Variants in SPAG16 observed in about 807,000 individuals in gnomAD.
SPAG16 encodes the protein sperm-associated antigen 16 protein.
SPAG16 carries 86 observed loss-of-function variants against 80.4 expected under a neutral mutation model. That is an observed-to-expected ratio of 1.07 (90% CI 0.90 to 1.28). The LOEUF (loss-of-function observed/expected upper bound fraction) is 1.28. Among genes scored for constraint, SPAG16 ranks in the 50% most tolerant of loss-of-function variants. The pLI is 0.00. For missense variants in SPAG16, 870 were observed against 765.3 expected (o/e 1.14, Z -1.61); for synonymous variants, 294 against 265.9 (o/e 1.11, Z -1.03).
rs749703626 is a variant in SPAG16, at chr2:214,149,223, T to A, written c.1677T>A (p.Asp559Glu). 15 of 1,599,034 alleles carry A rather than the reference T, an allele frequency of 9.4e-6. No individual in the cohort carries two copies. The Admixed American group carries it at 1.7e-4, about 18-fold the overall frequency. ...AGCTGTTACCAATTGTGTCCATCGA[T>A]ATAGGTCCAAGTCCTGGCAATGAGG... ...FRKLLPIVSI[D>E]IGPSPGNEVN... Residue 559 changes from aspartate to glutamate, a missense_variant, in exon 15 of 16, where the codon GAT becomes GAA. Coordinates refer to ENST00000331683, the MANE Select transcript of SPAG16 (RefSeq NM_024532.5).
chr2:213,565,217 C>CT, intron 10 of SPAG16, among the ~76,000 whole-genome samples: 1 of 152,130 alleles, frequency 6.6e-6, no homozygotes, highest in African/African-American at 2.4e-5. Context: ...TTTCATTCCA[C>CT]AAGGAATATA....
rs1234894833 is a variant in SPAG16 at position 213,992,901 on chromosome 2, C to T, written c.1401-21050C>T. On this transcript the variant is annotated intron_variant, in intron 12 of 15. Coordinates refer to ENST00000331683, the MANE Select transcript of SPAG16 (RefSeq NM_024532.5). ...ACCAACTTTCAGCCTGCTGACCAGT[C>T]GTGTAATGAAAATGGATGGCACCTG... Among the ~76,000 whole-genome samples, 5 of 152,154 alleles carry T rather than the reference C, an allele frequency of 3.3e-5. No individual in the cohort carries two copies. In the South Asian group the frequency reaches 1.0e-3, roughly 32 times the overall value.
chr2:213,617,026 T>TGGTC (rs2125039487), intron 10 of SPAG16, among the ~76,000 whole-genome samples: 1 of 152,286 alleles, frequency 6.6e-6, no homozygotes, highest in East Asian at 1.9e-4. Context: ...GGTCATGTGT[T>TGGTC]GGTCCCGTGT....
intron 9 of SPAG16, among the ~76,000 whole-genome samples, chr2:213,393,808 T>C (rs987649035): frequency 6.6e-6 from 1 of 152,168 alleles, no homozygotes; most frequent in African/African-American, 2.4e-5. Flanking sequence ...AAATGAAATA[T>C]GTCGCCTCAC....
chr2:214,160,687 G>A (rs557787387), intron 15 of SPAG16, among the ~76,000 whole-genome samples: 48 of 151,382 alleles, frequency 3.2e-4, no homozygotes, highest in South Asian at 8.3e-4. Context: ...ATTATTCTGT[G>A]TATGTACGTA....
Position 214,352,556 on chromosome 2 carries a change from C to G in SPAG16, c.1721-57584C>G, listed in dbSNP as rs1229551541. 1.4e-3 allele frequency among the ~76,000 whole-genome samples: 136 copies of G among 96,080 alleles called. 1 individual carries two copies. Among genetic ancestry groups the G allele is most frequent in the South Asian group, 8.3e-3 (33 of 3,998 alleles). 63.0% of individuals were successfully genotyped at this position (96,080 alleles called of 152,430 possible). On this transcript the variant is annotated intron_variant, in intron 15 of 15. Coordinates refer to ENST00000331683, the MANE Select transcript of SPAG16 (RefSeq NM_024532.5). ...ATGCTTTTTGTCCTTGACTTTTTTT[C>G]TCTGTGTGTGTGTGTGTGTATGTGT...
chr2:214,008,474 G>T (rs116005979), intron 12 of SPAG16, among the ~76,000 whole-genome samples: 1 of 152,004 alleles, frequency 6.6e-6, no homozygotes, highest in Non-Finnish European at 1.5e-5. Flanking sequence ...GCTGGGTGTA[G>T]TGGCTCACGC....
Position 213,603,505 on chromosome 2 carries a change from C to A in SPAG16, c.1070+113415C>A, listed in dbSNP as rs1186842952. The stretch of plus-strand genomic sequence containing the variant: ...TAATTTTTGTCTCACTGAGGGAATT[C>A]ACGCTATTCAAAAATAACAAAAATT... On this transcript the variant is annotated intron_variant, in intron 10 of 15. Transcript: ENST00000331683. 2.0e-5 allele frequency among the ~76,000 whole-genome samples: 3 copies of A among 152,228 alleles called. No homozygotes were observed. The East Asian group carries it at 5.8e-4, about 29-fold the overall frequency.
At chr2:213,474,083 G>T (rs1307352782) in intron 9 of SPAG16, among the ~76,000 whole-genome samples, 1 of 152,170 alleles carries the variant, frequency 6.6e-6, no homozygotes, top group South Asian at 2.1e-4. Flanking sequence ...CCACTACTGG[G>T]CATGGGGATG....
chr2:214,000,820 G>A (rs1010719606), intron 12 of SPAG16, among the ~76,000 whole-genome samples: 1 of 152,200 alleles, frequency 6.6e-6, no homozygotes, highest in African/African-American at 2.4e-5. Flanking sequence ...GAGGAAACAG[G>A]TGGGTTAAAT....
At chr2:213,693,408 C>T (rs966688632) in intron 10 of SPAG16, among the ~76,000 whole-genome samples, 7 of 152,208 alleles carry the variant, frequency 4.6e-5, no homozygotes, top group South Asian at 2.1e-4. Flanking sequence ...AGCACACTGA[C>T]GCTTCAGTTT....
chr2:213,658,632 A>G (rs779189391), intron 10 of SPAG16, among the ~76,000 whole-genome samples: 13 of 152,208 alleles, frequency 8.5e-5, no homozygotes, highest in Admixed American at 5.9e-4. Context: ...TGGGTAGCAG[A>G]GCTGGATCAA....
At chr2:213,373,198 G>A (rs528637688) in intron 8 of SPAG16, among the ~76,000 whole-genome samples, 1 of 152,254 alleles carries the variant, frequency 6.6e-6, no homozygotes, top group South Asian at 2.1e-4. Flanking sequence ...TCAACATTGA[G>A]AAGTGCTATA....
chr2:213,609,504 C>G (rs971718514), intron 10 of SPAG16, among the ~76,000 whole-genome samples: 3 of 152,104 alleles, frequency 2.0e-5, no homozygotes, highest in Admixed American at 1.3e-4. Context: ...AGTTGGTTTT[C>G]TTACATACCA....
chr2:214,241,358 CAA>C (rs34846102), intron 15 of SPAG16: 7,527 of 107,192 alleles, frequency 0.07, 242 homozygotes, highest in Middle Eastern at 0.14. Flanking sequence ...ACTCCGTTGC[CAA>C]AAAAAAAAAA....
At chr2:213,323,212 G>A (rs572945609) in intron 5 of SPAG16, among the ~76,000 whole-genome samples, 171 of 152,266 alleles carry the variant, frequency 1.1e-3, no homozygotes, top group African/African-American at 3.8e-3. Flanking sequence ...AGGCCGAGGC[G>A]GGCAGATCAC....
intron 10 of SPAG16, among the ~76,000 whole-genome samples, chr2:213,624,129 A>T (rs1156296839): frequency 3.9e-5 from 6 of 152,128 alleles, no homozygotes; most frequent in South Asian, 2.1e-4. Context: ...CAGAAAAAAC[A>T]TCTGCATTCT....
chr2:214,340,223 T>C (rs1321372961), intron 15 of SPAG16, among the ~76,000 whole-genome samples: 1 of 152,202 alleles, frequency 6.6e-6, no homozygotes, highest in Non-Finnish European at 1.5e-5. Flanking sequence ...CCCACACTAC[T>C]CATTCTTCTG....
At chr2:214,094,219 T>C (rs1425265871) in intron 13 of SPAG16, among the ~76,000 whole-genome samples, 1 of 152,100 alleles carries the variant, frequency 6.6e-6, no homozygotes, top group East Asian at 1.9e-4. Context: ...GTGTTTTATT[T>C]AAGAAAACAA....
Sources: allele counts gnomAD v4.1 joint callset (sites outside exome capture counted in the v4.1 genomes callset), GRCh38; gene constraint gnomAD v4.1.1; transcripts MANE v1.5; gene names NCBI Gene and HGNC (gene_info 2026-07-23, HGNC 2026-07-21).